Variants in ARHGAP24 observed in about 807,000 individuals in gnomAD.
ARHGAP24 encodes the protein Rho GTPase activating protein 24.
ARHGAP24 carries 50 observed loss-of-function variants against 76.4 expected under a neutral mutation model. That is an observed-to-expected ratio of 0.65 (90% CI 0.52 to 0.83). The LOEUF is 0.83. Among genes scored for constraint, ARHGAP24 ranks in the 40% least tolerant of loss-of-function variants. ARHGAP24 has a pLI of 0.00. For synonymous variants in ARHGAP24, 345 were observed against 323.3 expected (o/e 1.07, Z -0.72); for missense variants, 930 against 914.2 (o/e 1.02, Z -0.22).
At chr4:85,504,283 C>T (rs571915107) in intron 1 of ARHGAP24, among the ~76,000 whole-genome samples, 102 of 152,098 alleles carry the variant, frequency 6.7e-4, no homozygotes, top group African/African-American at 1.8e-3. Flanking sequence ...GTTAACCTTC[C>T]GTCTCATTGA....
At chr4:85,849,956 G>T (rs1731125246) in intron 3 of ARHGAP24, among the ~76,000 whole-genome samples, 1 of 152,066 alleles carries the variant, frequency 6.6e-6, no homozygotes. Flanking sequence ...GATGATGCTG[G>T]CCTCATAAAA....
intron 3 of ARHGAP24, among the ~76,000 whole-genome samples, chr4:85,922,430 A>G (rs1211689602): frequency 6.6e-6 from 1 of 152,230 alleles, no homozygotes; most frequent in Non-Finnish European, 1.5e-5. Flanking sequence ...AAAAGTATTT[A>G]GATCCACTTA....
intron 3 of ARHGAP24, among the ~76,000 whole-genome samples, chr4:85,811,855 A>G (rs907690527): frequency 6.6e-6 from 1 of 152,216 alleles, no homozygotes; most frequent in East Asian, 1.9e-4. Flanking sequence ...AGCTGGTAAC[A>G]TAATTAGTTT....
intron 1 of ARHGAP24, among the ~76,000 whole-genome samples, chr4:85,562,792 A>G (rs1218268055): frequency 6.6e-6 from 1 of 152,200 alleles, no homozygotes; most frequent in African/African-American, 2.4e-5. Context: ...GGGACAAGGA[A>G]AGTGGGCAGA....
At chr4:85,633,577 G>C (rs974172544) in intron 2 of ARHGAP24, among the ~76,000 whole-genome samples, 1 of 151,778 alleles carries the variant, frequency 6.6e-6, no homozygotes, top group Non-Finnish European at 1.5e-5. Context: ...TGCCAAGAAA[G>C]TTCTTCTAGC....
chr4:85,619,717 A>G (rs972234876), intron 2 of ARHGAP24, among the ~76,000 whole-genome samples: 3 of 151,928 alleles, frequency 2.0e-5, no homozygotes, highest in African/African-American at 7.2e-5. Flanking sequence ...TGCAATCGTA[A>G]ATGGGATTCC....
intron 1 of ARHGAP24, among the ~76,000 whole-genome samples, chr4:85,487,356 T>C (rs1376559448): frequency 8.7e-6 from 1 of 115,444 alleles, no homozygotes; most frequent in African/African-American, 3.6e-5. Flanking sequence ...TTATAATATA[T>C]ATAAATATAT....
chr4:85,662,674 C>T (rs1326234949), intron 2 of ARHGAP24, among the ~76,000 whole-genome samples: 1 of 151,800 alleles, frequency 6.6e-6, no homozygotes, highest in Non-Finnish European at 1.5e-5. Flanking sequence ...GTCTTTAATC[C>T]ATCTTGAATT....
intron 3 of ARHGAP24, among the ~76,000 whole-genome samples, chr4:85,772,862 A>G (rs1002845052): frequency 1.3e-5 from 2 of 152,174 alleles, no homozygotes; most frequent in African/African-American, 4.8e-5. Flanking sequence ...TAGTCACCCA[A>G]TGTCCAAGTT....
chr4:85,755,308 G>C (rs1018000106), intron 3 of ARHGAP24, among the ~76,000 whole-genome samples: 1 of 152,046 alleles, frequency 6.6e-6, no homozygotes, highest in Non-Finnish European at 1.5e-5. Flanking sequence ...GTCTATTGTA[G>C]AGAAGTCCAT....
At chr4:85,567,381 C>G (rs1309037468) in intron 1 of ARHGAP24, among the ~76,000 whole-genome samples, 1 of 152,150 alleles carries the variant, frequency 6.6e-6, no homozygotes, top group African/African-American at 2.4e-5. Flanking sequence ...TGGATTTGAA[C>G]TATTTTTTAG....
At chr4:85,870,590 A>C (rs1732471049) in intron 3 of ARHGAP24, among the ~76,000 whole-genome samples, 1 of 152,090 alleles carries the variant, frequency 6.6e-6, no homozygotes, top group South Asian at 2.1e-4. Flanking sequence ...CTTCTTTTCT[A>C]CTAACTCATC....
intron 3 of ARHGAP24, among the ~76,000 whole-genome samples, chr4:85,873,652 C>G (rs1352802739): frequency 6.6e-6 from 1 of 152,194 alleles, no homozygotes; most frequent in Admixed American, 6.5e-5. Flanking sequence ...TGAGGTCTGT[C>G]TAGCTTTTCT....
At chr4:85,643,883 A>G (rs1721622918) in intron 2 of ARHGAP24, among the ~76,000 whole-genome samples, 1 of 152,188 alleles carries the variant, frequency 6.6e-6, no homozygotes, top group Non-Finnish European at 1.5e-5. Context: ...TCTCCCAAGT[A>G]AGTCCAGGAA....
chr4:85,685,914 C>G (rs189658213), intron 2 of ARHGAP24, among the ~76,000 whole-genome samples: 1 of 152,288 alleles, frequency 6.6e-6, no homozygotes, highest in East Asian at 1.9e-4. Context: ...GCTGAAGTAA[C>G]AGGGTGGATT....
At chr4:85,697,319 A>G (rs1226583624) in intron 2 of ARHGAP24, among the ~76,000 whole-genome samples, 1 of 152,164 alleles carries the variant, frequency 6.6e-6, no homozygotes, top group Admixed American at 6.5e-5. Flanking sequence ...TTTGCTGAGA[A>G]TGATGGTTTC....
chr4:85,908,793 A>G (rs1008325180), intron 3 of ARHGAP24, among the ~76,000 whole-genome samples: 1 of 152,170 alleles, frequency 6.6e-6, no homozygotes, highest in African/African-American at 2.4e-5. Flanking sequence ...CAAGGGAGTC[A>G]GGGAAGTACA....
chr4:85,688,815 T>C (rs1012961193), intron 2 of ARHGAP24, among the ~76,000 whole-genome samples: 1 of 151,792 alleles, frequency 6.6e-6, no homozygotes, highest in African/African-American at 2.4e-5. Flanking sequence ...TGCTGAATAG[T>C]ATGTTCTTGT....
chr4:85,691,049 A>G (rs995417822), intron 2 of ARHGAP24, among the ~76,000 whole-genome samples: 10 of 151,784 alleles, frequency 6.6e-5, no homozygotes, highest in Non-Finnish European at 1.3e-4. Context: ...TTGCATCTCT[A>G]TTTTCATTAG....
Sources: allele counts gnomAD v4.1 joint callset (sites outside exome capture counted in the v4.1 genomes callset), GRCh38; gene constraint gnomAD v4.1.1; transcripts MANE v1.5; gene names NCBI Gene and HGNC (gene_info 2026-07-23, HGNC 2026-07-21).